The following DCAF1 variants were observed in gnomAD, a reference collection of about 807,000 sequenced individuals.
The protein encoded by DCAF1 is DDB1- and CUL4-associated factor 1.
DCAF1 carries 15 observed loss-of-function variants against 128.0 expected under a neutral mutation model. The observed-to-expected ratio is 0.12, with a 90% CI of 0.08 to 0.18. The LOEUF is 0.18. Among genes scored for constraint, DCAF1 ranks in the 10% least tolerant of loss-of-function variants. The pLI is 1.00. For synonymous variants in DCAF1, 610 were observed against 603.0 expected (o/e 1.01, Z -0.17); for missense variants, 988 against 1,649.5 (o/e 0.60, Z 6.95).
In DCAF1 at chr3:51,483,852, T is replaced by C; in HGVS notation, c.-8-16A>G. 6.4e-7 allele frequency: 1 copy of C among 1,550,524 alleles called. No homozygotes were observed. Among genetic ancestry groups the C allele is most frequent in the Non-Finnish European group, 8.9e-7 (1 of 1,128,158 alleles). On this transcript the variant is annotated splice_polypyrimidine_tract_variant and intron_variant, in intron 2 of 24. Transcript: ENST00000684031. ...ATGGCTTTGCCTAAGGAAGCAAAAA[T>C]AAAAATAAAAAAGACAACCAATAAA... is the stretch of plus-strand genomic sequence containing the variant.
intron 2 of DCAF1, among the ~76,000 whole-genome samples, chr3:51,494,525 C>T (rs1238314957): frequency 1.3e-5 from 2 of 151,884 alleles, no homozygotes; most frequent in Non-Finnish European, 2.9e-5. Flanking sequence ...AATGGGTAGT[C>T]GTTAATTTTA....
At chr3:51,444,690 A>ATTG (rs1577167162) in intron 6 of DCAF1, among the ~76,000 whole-genome samples, 1 of 148,382 alleles carries the variant, frequency 6.7e-6, no homozygotes, top group African/African-American at 2.5e-5. Flanking sequence ...TTGATTGATT[A>ATTG]ATTGAGACAG....
At chr3:51,410,190 C>T (rs1169492759) in intron 23 of DCAF1, among the ~76,000 whole-genome samples, 1 of 152,218 alleles carries the variant, frequency 6.6e-6, no homozygotes, top group Non-Finnish European at 1.5e-5. Context: ...GAGGAAGGCT[C>T]TGCTCTGATC....
At position 51,420,830 on chromosome 3, in the gene DCAF1, T is replaced by C; in HGVS notation, c.2140A>G (p.Asn714Asp). 6.2e-7 allele frequency: 1 copy of C among 1,614,040 alleles called. No individual in the cohort carries two copies. The highest frequency in any genetic ancestry group is 8.5e-7 in the Non-Finnish European group (1 of 1,179,894). ...AGGGTGTGCTCACTGCTTTTAGGGT[T>C]CTGAGGCAGCTTTCTCCGAGGAGTA... ...SGTPRRKLPQ[N>D]PKSSEHTLAK... is the part of the protein sequence containing the mutation. The change falls in exon 15 of 25, where the codon AAC becomes GAC. Residue 714 changes from asparagine to aspartate, a missense_variant. Transcript: ENST00000684031. The surrounding 1 kb of genome is among the most constrained non-coding windows in gnomAD (Gnocchi z 6.5).
At chr3:51,412,529 C>T in intron 22 of DCAF1, 49 bp from the exon 23 acceptor site, 1 of 1,610,904 alleles carries the variant, frequency 6.2e-7, no homozygotes. Flanking sequence ...TTCAGAAGGT[C>T]CACATCCACG....
intron 2 of DCAF1, among the ~76,000 whole-genome samples, chr3:51,486,954 A>G (rs1707037432): frequency 6.8e-6 from 1 of 146,960 alleles, no homozygotes; most frequent in Non-Finnish European, 1.5e-5. Flanking sequence ...TTTTTAAAAC[A>G]AACTTTTTTT....
At chr3:51,410,837 T>C (rs1203393698) in intron 23 of DCAF1, among the ~76,000 whole-genome samples, 2 of 152,200 alleles carry the variant, frequency 1.3e-5, no homozygotes. Flanking sequence ...CTGCTTCTCA[T>C]CCAGAGCACC....
chr3:51,454,426 A>AT (rs1351773730), intron 6 of DCAF1, among the ~76,000 whole-genome samples: 1 of 152,024 alleles, frequency 6.6e-6, no homozygotes, highest in Non-Finnish European at 1.5e-5. Flanking sequence ...GAGTGGCATG[A>AT]TTTTATCTCA....
At chr3:51,484,160 G>C (rs1706625904) in intron 2 of DCAF1, among the ~76,000 whole-genome samples, 1 of 151,966 alleles carries the variant, frequency 6.6e-6, no homozygotes, top group African/African-American at 2.4e-5. Context: ...CAAAAAATAT[G>C]GTACCTTTCC....
chr3:51,490,137 G>A lies in DCAF1; in HGVS notation c.-8-6301C>T, dbSNP rs546720899. 6.6e-5 allele frequency among the ~76,000 whole-genome samples: 10 copies of A among 152,246 alleles called. 1 individual carries two copies. In the East Asian group the frequency reaches 9.6e-4, roughly 15 times the overall value. On this transcript the variant is annotated intron_variant, in intron 2 of 24. Coordinates refer to ENST00000684031, the MANE Select transcript of DCAF1 (RefSeq NM_001387579.1). Reference sequence around the variant, plus strand: ...AATTTAATTTAAAAGGCACAAGGCCGGGAAGGGTGGCTCACACCTGTTAAT... The same window carrying A: ...AATTTAATTTAAAAGGCACAAGGCCAGGAAGGGTGGCTCACACCTGTTAAT...
At chr3:51,500,102 C>G (rs1253843224), upstream of DCAF1, 1 of 118,824 alleles carries the variant, frequency 8.4e-6, no homozygotes, top group Non-Finnish European at 1.6e-5. Context: ...GAAGAGAACG[C>G]CTGCACGATC....
At chr3:51,418,067 T>A (rs1553631011) in intron 17 of DCAF1, 49 bp downstream of exon 17, 1 of 1,569,984 alleles carries the variant, frequency 6.4e-7, no homozygotes, top group South Asian at 1.2e-5. Context: ...AAGGGGGGTA[T>A]AAACTAGGTA....
chr3:51,396,992 A>G (rs1414962075), downstream of DCAF1: 1 of 167,092 alleles, frequency 6.0e-6, no homozygotes, highest in Non-Finnish European at 1.5e-5. Context: ...CCTGTGTGAC[A>G]CAGACCCACT....
Position 51,441,534 on chromosome 3 carries a change from C to A in DCAF1, c.877G>T (p.Asp293Tyr), listed in dbSNP as rs781798144. The stretch of plus-strand genomic sequence containing the variant: ...TTAGACAGCTCAACAAACATGCGAT[C>A]TGGATCAGAAGATGAGAAACCCAAC... Reference protein sequence around the residue: ...QKLGFSSSDPDRMFVELSNSS... With the variant: ...QKLGFSSSDPYRMFVELSNSS... Residue 293 changes from aspartate (D) to tyrosine (Y), a missense_variant, in exon 8 of 25, where the codon GAT becomes TAT. Physicochemically the swap from Asp to Tyr is radical, Grantham distance 160. Coordinates refer to ENST00000684031, the MANE Select transcript of DCAF1 (RefSeq NM_001387579.1). 6.2e-7 allele frequency: 1 copy of A among 1,614,032 alleles called. No individual in the cohort carries two copies. The highest frequency in any genetic ancestry group is 8.5e-7 in the Non-Finnish European group (1 of 1,179,902).
At chr3:51,443,477 C>G (rs542439268) in intron 7 of DCAF1, among the ~76,000 whole-genome samples, 1 of 151,742 alleles carries the variant, frequency 6.6e-6, no homozygotes, top group Non-Finnish European at 1.5e-5. Context: ...GTAACCCCAG[C>G]TACTCAGGAG....
intron 13 of DCAF1, among the ~76,000 whole-genome samples, chr3:51,425,559 CTTTTTTTTTTT>C (rs782117372): frequency 1.0e-5 from 1 of 96,840 alleles, no homozygotes; most frequent in African/African-American, 4.1e-5. Flanking sequence ...AAGCTGTCAT[CTTTTTTTTTTT>C]TTTTTTTTTG....
chr3:51,454,080 T>C (rs1553642186), intron 6 of DCAF1, among the ~76,000 whole-genome samples: 3 of 152,228 alleles, frequency 2.0e-5, no homozygotes. Flanking sequence ...TCTCACTCTC[T>C]TGTCAGGGCT....
rs547934239 is a variant in DCAF1 at position 51,417,391 on chromosome 3, C to T, written c.3519-520G>A. Among the ~76,000 whole-genome samples, 13 of 152,150 alleles carry T rather than the reference C, an allele frequency of 8.5e-5. No homozygotes were observed. The South Asian group carries it at 2.5e-3, about 29-fold the overall frequency. On this transcript the variant is annotated intron_variant, in intron 17 of 24. Transcript: ENST00000684031. The stretch of plus-strand genomic sequence containing the variant: ...TCATGTTTGTGCCACCGCACTCCAA[C>T]CTAAGTGACAGAATGAGACCCCGTC...
At chr3:51,401,274 A>G (rs1408179224) in intron 24 of DCAF1, among the ~76,000 whole-genome samples, 2 of 151,918 alleles carry the variant, frequency 1.3e-5, no homozygotes, top group Non-Finnish European at 2.9e-5. Flanking sequence ...GTGGTTTTCT[A>G]TAGTTTCTAT....
Sources: allele counts gnomAD v4.1 joint callset (sites outside exome capture counted in the v4.1 genomes callset), GRCh38; gene constraint gnomAD v4.1.1; non-coding constraint Gnocchi (gnomAD v3.1); transcripts MANE v1.5; gene names NCBI Gene and HGNC (gene_info 2026-07-23, HGNC 2026-07-21).